Variants in NYAP2 observed in about 807,000 individuals in gnomAD.
NYAP2 encodes the protein neuronal tyrosine-phosphorylated phosphoinositide-3-kinase adapter 2.
A neutral mutation model predicts 50.4 loss-of-function variants in NYAP2; 23 were observed. That is an observed-to-expected ratio of 0.46 (90% confidence interval 0.33 to 0.65). NYAP2 has a LOEUF of 0.65. Among genes scored for constraint, NYAP2 ranks in the 30% least tolerant of loss-of-function variants. NYAP2 has a pLI of 0.02. For missense variants in NYAP2, 885 were observed against 861.0 expected, an observed-to-expected ratio of 1.03 and a Z score of -0.35; for synonymous variants, 394 against 365.2, an observed-to-expected ratio of 1.08 and a Z score of -0.90.
At chr2:225,628,315 G>GTTTT (rs543647777) in intron 6 of NYAP2, among the ~76,000 whole-genome samples, 23 of 109,416 alleles carry the variant, frequency 2.1e-4, no homozygotes, top group East Asian at 5.6e-4. Context: ...AGAACACATA[G>GTTTT]TTTTTTTTTT....
chr2:225,566,800 A>G (rs1290659474), intron 4 of NYAP2, among the ~76,000 whole-genome samples: 4 of 152,144 alleles, frequency 2.6e-5, no homozygotes, highest in Non-Finnish European at 4.4e-5. Context: ...TTAAATGTGC[A>G]TATTGTTTTC....
intron 5 of NYAP2, among the ~76,000 whole-genome samples, chr2:225,621,715 T>A (rs1252019506): frequency 6.6e-6 from 1 of 152,160 alleles, no homozygotes; most frequent in African/African-American, 2.4e-5. Context: ...TTTTTTATTT[T>A]TTTTTTAATT....
At chr2:225,464,599 G>A (rs1021858257) in intron 3 of NYAP2, among the ~76,000 whole-genome samples, 2 of 152,186 alleles carry the variant, frequency 1.3e-5, no homozygotes, top group African/African-American at 2.4e-5. Context: ...AGGGGCTTGT[G>A]GATCCATGGT....
chr2:225,429,563 T>C (rs1695335727), intron 3 of NYAP2, among the ~76,000 whole-genome samples: 1 of 152,190 alleles, frequency 6.6e-6, no homozygotes, highest in Non-Finnish European at 1.5e-5. Flanking sequence ...CACTGTAAAA[T>C]GAAACTTTTT....
chr2:225,696,691 G>A, the NYAP2 span, among the ~76,000 whole-genome samples: 3 of 152,004 alleles, frequency 2.0e-5, no homozygotes, highest in South Asian at 2.1e-4. Context: ...TAAAATCCAC[G>A]TTCACAGTTC....
At chr2:225,534,294 G>A (rs551820634) in intron 4 of NYAP2, among the ~76,000 whole-genome samples, 85 of 152,288 alleles carry the variant, frequency 5.6e-4, no homozygotes, top group African/African-American at 1.9e-3. Context: ...CGTAGCCATT[G>A]GCAACAAGTT....
At chr2:225,539,026 T>C (rs1408047287) in intron 4 of NYAP2, among the ~76,000 whole-genome samples, 1 of 151,934 alleles carries the variant, frequency 6.6e-6, no homozygotes, top group Non-Finnish European at 1.5e-5. Flanking sequence ...CCCTGGTGTG[T>C]CATGTTCCCC....
At chr2:225,653,249 G>A (rs1693766180) in exon 7 of NYAP2, 1 of 152,136 alleles carries the variant, frequency 6.6e-6, no homozygotes, top group Non-Finnish European at 1.5e-5. Context: ...ACCCTTGCTA[G>A]TATATTACCT....
intron 4 of NYAP2, among the ~76,000 whole-genome samples, chr2:225,580,921 G>A (rs1409911628): frequency 6.6e-6 from 1 of 152,084 alleles, no homozygotes; most frequent in African/African-American, 2.4e-5. Flanking sequence ...CTGCTACATT[G>A]CATAATAAAG....
rs942856796 is a variant in NYAP2, at chr2:225,406,857, C to A, written c.-17-2007C>A. 2.0e-5 allele frequency among the ~76,000 whole-genome samples: 3 copies of A among 151,888 alleles called. No individual in the cohort carries two copies. In the South Asian group the frequency reaches 6.2e-4, roughly 32 times the overall value. ...TAACTTTCAGAGGTAAACAAATAAA[C>A]TTATTGATATTTGGAATATAGAAAC... On this transcript the variant is annotated intron_variant, in intron 2 of 6. Coordinates refer to ENST00000636099, the Ensembl canonical transcript of NYAP2.
At chr2:225,409,526 C>T (rs1694997339) in intron 3 of NYAP2, among the ~76,000 whole-genome samples, 1 of 151,978 alleles carries the variant, frequency 6.6e-6, no homozygotes, top group South Asian at 2.1e-4. Flanking sequence ...CAAGATACAT[C>T]AATAATTATA....
chr2:225,645,491 TTC>T lies in NYAP2; in HGVS notation c.1829-5929_1829-5928del, dbSNP rs376306702. On this transcript the variant is annotated intron_variant, in intron 6 of 6. Transcript: ENST00000636099. ...TCTCTGTTTCCCTCCTCCACTGCCT[TTC>T]TCTCTCTCTCTTTCTGAATCAACCT... Among the ~76,000 whole-genome samples, 101 of 151,766 alleles carry T rather than the reference TTC, an allele frequency of 6.7e-4. No individual in the cohort carries two copies. The East Asian group carries it at 0.014, about 21-fold the overall frequency.
intron 3 of NYAP2, among the ~76,000 whole-genome samples, chr2:225,418,810 TG>T (rs1406625383): frequency 6.6e-6 from 1 of 152,236 alleles, no homozygotes; most frequent in Non-Finnish European, 1.5e-5. Flanking sequence ...TCAAAAATTT[TG>T]AATACTTTTA....
At chr2:225,480,243 G>A (rs1334321316) in intron 3 of NYAP2, among the ~76,000 whole-genome samples, 1 of 151,942 alleles carries the variant, frequency 6.6e-6, no homozygotes, top group South Asian at 2.1e-4. Context: ...GGTGTTATTG[G>A]GAAGAGTGGG....
intron 4 of NYAP2, among the ~76,000 whole-genome samples, chr2:225,576,017 G>C (rs929892117): frequency 2.6e-5 from 4 of 152,210 alleles, no homozygotes; most frequent in African/African-American, 9.6e-5. Flanking sequence ...GGATTGAAAT[G>C]AACACTTCAA....
chr2:225,523,267 A>T (rs1350338915), intron 4 of NYAP2, among the ~76,000 whole-genome samples: 1 of 151,892 alleles, frequency 6.6e-6, no homozygotes, highest in Non-Finnish European at 1.5e-5. Flanking sequence ...ATTGGAAAAG[A>T]GGAAGTCAAA....
intron 6 of NYAP2, 89 bp downstream of exon 6, chr2:225,627,215 A>C (rs983391726): frequency 2.1e-5 from 21 of 986,910 alleles, no homozygotes; most frequent in Non-Finnish European, 3.1e-5. Flanking sequence ...TTATCACCAC[A>C]GATATCTCTG....
chr2:225,692,490 T>G, the NYAP2 span, among the ~76,000 whole-genome samples: 14 of 152,232 alleles, frequency 9.2e-5, no homozygotes, highest in Admixed American at 4.6e-4. Context: ...GATGAGATTG[T>G]TACAATATAT....
intron 5 of NYAP2, among the ~76,000 whole-genome samples, chr2:225,584,745 G>T (rs1692361151): frequency 6.6e-6 from 1 of 151,844 alleles, no homozygotes; most frequent in Admixed American, 6.6e-5. Context: ...TTCAATAATT[G>T]CCCCCAAAAC....
Sources: allele counts gnomAD v4.1 joint callset (sites outside exome capture counted in the v4.1 genomes callset), GRCh38; gene constraint gnomAD v4.1.1; transcripts MANE v1.5; gene names NCBI Gene and HGNC (gene_info 2026-07-23, HGNC 2026-07-21).